Variants in HEG1 observed in about 807,000 individuals in gnomAD.
HEG1 encodes the protein heart development protein with EGF like domains 1, also known as protein HEG homolog 1.
Under a neutral mutation model 125.6 loss-of-function variants are expected in HEG1, and 56 were observed. That is an observed-to-expected ratio of 0.45 (90% CI 0.36 to 0.56). The LOEUF is 0.56. Among genes scored for constraint, HEG1 ranks in the 20% least tolerant of loss-of-function variants. The pLI is 0.00. For synonymous variants in HEG1, 644 were observed against 668.5 expected (o/e 0.96, Z 0.57); for missense variants, 1,523 against 1,670.0 (o/e 0.91, Z 1.53).
intron 2 of HEG1, among the ~76,000 whole-genome samples, chr3:125,028,797 A>G (rs1937454070): frequency 6.6e-6 from 1 of 152,186 alleles, no homozygotes; most frequent in African/African-American, 2.4e-5. Context: ...TTCTTTGCTA[A>G]AAATAGCAAA....
At chr3:124,978,594 C>G (rs1936590316) in intron 14 of HEG1, among the ~76,000 whole-genome samples, 2 of 152,238 alleles carry the variant, frequency 1.3e-5, no homozygotes, top group South Asian at 4.1e-4. Flanking sequence ...ATTTGTTCCT[C>G]TTTGATAACT....
intron 15 of HEG1, 82 bp downstream of exon 15, chr3:124,977,777 G>A: frequency 1.2e-6 from 1 of 847,724 alleles, no homozygotes; most frequent in Non-Finnish European, 1.9e-6. Context: ...ACCATCTCAA[G>A]TATCCTGTAA....
intron 3 of HEG1, among the ~76,000 whole-genome samples, chr3:125,026,287 C>A (rs79654783): frequency 6.6e-6 from 1 of 152,086 alleles, no homozygotes. Flanking sequence ...TGTTCTTGGG[C>A]GAGGGGGAAC....
chr3:124,997,856 C>T (rs975622378), intron 11 of HEG1, 33 bp from the exon 12 acceptor site: 1 of 1,542,218 alleles, frequency 6.5e-7, no homozygotes, highest in Non-Finnish European at 8.8e-7. Context: ...TGAAACAAAA[C>T]AAAACCTTCT....
intron 3 of HEG1, among the ~76,000 whole-genome samples, chr3:125,023,256 G>C (rs1315757242): frequency 1.3e-5 from 2 of 151,994 alleles, no homozygotes; most frequent in Non-Finnish European, 2.9e-5. Flanking sequence ...CTCCAGTGGT[G>C]ATACTGAATT....
rs775650572 is a variant in HEG1, at chr3:125,013,600, G to A, written c.1979C>T (p.Ser660Phe). The change falls in exon 6 of 17, where the codon TCC (serine) becomes TTC (phenylalanine). Residue 660 changes from serine (S) to phenylalanine (F), a missense_variant. Physicochemically the swap from Ser to Phe is radical, Grantham distance 155. Transcript: ENST00000311127. ...AGAGGAGGAGGAGGAAGAGGAGGAG[G>A]AGGAGTCACTAACAAACTCAGCATC... ...DTDAEFVSDSSSSSSSSSSSS... is the reference protein window; with the variant it reads ...DTDAEFVSDSFSSSSSSSSSS... The A allele has an allele frequency of 5.0e-6, 8 of 1,600,480 alleles. No individual in the cohort carries two copies. The highest frequency in any genetic ancestry group is 1.1e-5 in the South Asian group (1 of 89,370).
At position 125,013,550 on chromosome 3, in the gene HEG1, G is replaced by T. The variant is rs1314200862; in HGVS notation, c.2029C>A (p.Pro677Thr). ...TGGGATTGTGACACAGAGGGCAGAG[G>T]CAAAGGAGGCCCTGAAGAAGAAGAA... ...SSSSSSGPPL[P>T]LPSVSQSHHL... The change falls in exon 6 of 17, where the codon CCT becomes ACT. Residue 677 changes from proline to threonine, a missense_variant. Physicochemically the swap from Pro to Thr is conservative, Grantham distance 38. Coordinates refer to ENST00000311127, the MANE Select transcript of HEG1 (RefSeq NM_020733.2). The T allele has an allele frequency of 6.3e-7, 1 of 1,577,954 alleles. No individual in the cohort carries two copies. Among genetic ancestry groups the T allele is most frequent in the Non-Finnish European group, 8.6e-7 (1 of 1,165,378 alleles).
chr3:124,980,665 C>T lies in HEG1; in HGVS notation c.3734-2719G>A, dbSNP rs150554398. On this transcript the variant is annotated intron_variant, in intron 14 of 16. Coordinates refer to ENST00000311127, the MANE Select transcript of HEG1 (RefSeq NM_020733.2). ...CTGAGTAGCTGTGATTACAGGCACGCGCCACCATGCCCAGCTAATTTTTTG... is the reference window on the plus strand; with the variant it reads ...CTGAGTAGCTGTGATTACAGGCACGTGCCACCATGCCCAGCTAATTTTTTG... Among the ~76,000 whole-genome samples, 227 of 152,114 alleles carry T rather than the reference C, an allele frequency of 1.5e-3. 5 individuals are homozygous for T. In the East Asian group the frequency reaches 0.038, roughly 25 times the overall value.
At chr3:125,026,833 C>G (rs1295299444) in intron 3 of HEG1, among the ~76,000 whole-genome samples, 1 of 152,112 alleles carries the variant, frequency 6.6e-6, no homozygotes, top group Non-Finnish European at 1.5e-5. Context: ...AACCCCGTCT[C>G]TACTAAAAAT....
chr3:124,982,915 T>C (rs997153725), intron 14 of HEG1, among the ~76,000 whole-genome samples: 1 of 152,102 alleles, frequency 6.6e-6, no homozygotes, highest in African/African-American at 2.4e-5. Context: ...GCTAGAGACC[T>C]CCCCACCCCC....
At chr3:125,010,937 T>A (rs1427756328) in intron 6 of HEG1, among the ~76,000 whole-genome samples, 1 of 152,224 alleles carries the variant, frequency 6.6e-6, no homozygotes, top group African/African-American at 2.4e-5. Context: ...GATCAACTCA[T>A]TCCCCCGCTA....
chr3:125,036,254 A>T (rs1937546711), intron 1 of HEG1, among the ~76,000 whole-genome samples: 1 of 150,754 alleles, frequency 6.6e-6, no homozygotes, highest in Admixed American at 6.7e-5. Context: ...GTCACTTCCA[A>T]ACTGGCAGAG....
At position 125,012,822 on chromosome 3, in the gene HEG1, A is replaced by G; in HGVS notation, c.2757T>C (p.Ser919=). 6.2e-7 allele frequency: 1 copy of G among 1,614,006 alleles called. No homozygotes were observed. The highest frequency in any genetic ancestry group is 8.5e-7 in the Non-Finnish European group (1 of 1,179,874). Residue 919 remains serine (S), a synonymous_variant, in exon 6 of 17, where the codon AGT becomes AGC. Coordinates refer to ENST00000311127, the MANE Select transcript of HEG1 (RefSeq NM_020733.2). ...DATTGLIPLT[S]VPTSAKEMTT... ...TCATTTCTTTTGCTGATGTGGGTAC[A>G]CTGGTCAAAGGGATCAATCCAGTGG...
intron 1 of HEG1, among the ~76,000 whole-genome samples, chr3:125,052,139 T>TC (rs1474623923): frequency 1.0e-4 from 6 of 57,994 alleles, no homozygotes; most frequent in African/African-American, 2.1e-4. Context: ...CCCTCCCGCC[T>TC]CCCCCCCTTC....
intron 1 of HEG1, among the ~76,000 whole-genome samples, chr3:125,046,536 G>T (rs1433583948): frequency 2.0e-5 from 3 of 151,970 alleles, no homozygotes; most frequent in Admixed American, 2.0e-4. Context: ...CTCCCAAAGT[G>T]CTGGGTTTAC....
At chr3:125,034,924 G>A (rs1281585831) in intron 1 of HEG1, among the ~76,000 whole-genome samples, 2 of 152,210 alleles carry the variant, frequency 1.3e-5, no homozygotes, top group Admixed American at 6.5e-5. Context: ...ACAACTGATT[G>A]GAGTTTAGGA....
At chr3:124,991,122 T>A in intron 12 of HEG1, 136 bp from the exon 13 acceptor site, 1 of 659,672 alleles carries the variant, frequency 1.5e-6, no homozygotes, top group Non-Finnish European at 2.7e-6. Context: ...GGAATGATCC[T>A]CACTTAAATA....
intron 12 of HEG1, among the ~76,000 whole-genome samples, chr3:124,993,653 C>A (rs1186835447): frequency 6.6e-6 from 1 of 152,240 alleles, no homozygotes; most frequent in East Asian, 1.9e-4. Context: ...GGCACTGAGG[C>A]AGGCTGATGT....
At chr3:124,992,081 G>C (rs898233926) in intron 12 of HEG1, among the ~76,000 whole-genome samples, 4 of 152,198 alleles carry the variant, frequency 2.6e-5, no homozygotes, top group Admixed American at 6.5e-5. Flanking sequence ...CATGAGAAGG[G>C]GGGGAGCTGT....
Sources: gnomAD v4.1 joint callset for allele counts (sites outside exome capture counted in the v4.1 genomes callset) on GRCh38, gnomAD v4.1.1 for gene constraint, MANE v1.5 for transcripts, NCBI Gene and HGNC (gene_info 2026-07-23, HGNC 2026-07-21) for gene names.